Variants in AFF3 observed in about 807,000 individuals in gnomAD.
AFF3 encodes ALF transcription elongation factor 3.
Under a neutral mutation model 129.7 loss-of-function variants are expected in AFF3, and 32 were observed. That is an observed-to-expected ratio of 0.25 (90% CI 0.19 to 0.33). AFF3 has a LOEUF of 0.33. AFF3 is among the 10% of genes least tolerant of loss of function. AFF3 has a pLI of 1.00. For synonymous variants in AFF3, 644 were observed against 635.4 expected (o/e 1.01, Z -0.20); for missense variants, 1,373 against 1,592.0 (o/e 0.86, Z 2.34).
At chr2:99,554,066 G>A (rs923213626) in intron 24 of AFF3, among the ~76,000 whole-genome samples, 3 of 152,230 alleles carry the variant, frequency 2.0e-5, no homozygotes, top group African/African-American at 4.8e-5. Context: ...TAACAACAGG[G>A]GAATGGTTTG....
intron 1 of AFF3, among the ~76,000 whole-genome samples, chr2:100,138,199 T>A (rs1692709401): frequency 6.6e-6 from 1 of 152,134 alleles, no homozygotes; most frequent in African/African-American, 2.4e-5. Context: ...CATGCATAGA[T>A]GTGGGAGATA....
intron 7 of AFF3, among the ~76,000 whole-genome samples, chr2:99,953,920 G>GACTC (rs1676393053): frequency 6.6e-6 from 1 of 152,200 alleles, no homozygotes; most frequent in African/African-American, 2.4e-5. Flanking sequence ...AAGAGGGAGA[G>GACTC]ACTCAGCTCT....
intron 13 of AFF3, among the ~76,000 whole-genome samples, chr2:99,607,116 A>G (rs1421442853): frequency 1.3e-5 from 2 of 152,118 alleles, no homozygotes; most frequent in African/African-American, 4.8e-5. Context: ...AGAGCCAAAT[A>G]CACCTTTGAG....
intron 7 of AFF3, among the ~76,000 whole-genome samples, chr2:99,896,882 G>A (rs879042912): frequency 1.3e-5 from 2 of 151,692 alleles, no homozygotes; most frequent in East Asian, 1.9e-4. Flanking sequence ...TGATCTGCCC[G>A]CCTCGGCCTC....
At chr2:99,865,143 G>C (rs1691287382) in intron 7 of AFF3, among the ~76,000 whole-genome samples, 2 of 152,344 alleles carry the variant, frequency 1.3e-5, no homozygotes, top group African/African-American at 4.8e-5. Flanking sequence ...GGTCGGGTGA[G>C]ATGCTGAATG....
intron 7 of AFF3, among the ~76,000 whole-genome samples, chr2:99,892,125 G>A (rs1435508875): frequency 6.6e-6 from 1 of 151,716 alleles, no homozygotes; most frequent in Non-Finnish European, 1.5e-5. Context: ...CCCGGCCAAA[G>A]CCCACCAGCT....
intron 4 of AFF3, among the ~76,000 whole-genome samples, chr2:100,063,442 T>C (rs1687468136): frequency 6.6e-6 from 1 of 152,032 alleles, no homozygotes; most frequent in Admixed American, 6.5e-5. Flanking sequence ...CAAGGAAGAT[T>C]TTAAAAGAAC....
At chr2:99,762,313 C>T (rs530690629) in intron 8 of AFF3, among the ~76,000 whole-genome samples, 14 of 152,002 alleles carry the variant, frequency 9.2e-5, no homozygotes, top group African/African-American at 1.7e-4. Context: ...TTAGTAGAGA[C>T]GGGGTTTCAC....
At chr2:99,908,658 G>A (rs1254394688) in intron 7 of AFF3, among the ~76,000 whole-genome samples, 1 of 152,048 alleles carries the variant, frequency 6.6e-6, no homozygotes, top group African/African-American at 2.4e-5. Flanking sequence ...TCAAAAAGTG[G>A]ACAAAGGATA....
At chr2:99,832,987 AG>A (rs910424631) in intron 8 of AFF3, among the ~76,000 whole-genome samples, 2 of 152,248 alleles carry the variant, frequency 1.3e-5, no homozygotes, top group Admixed American at 1.3e-4. Context: ...GAAGCAGGGA[AG>A]ATTTGACCTA....
chr2:99,809,426 C>A (rs1470110446), intron 8 of AFF3, among the ~76,000 whole-genome samples: 1 of 152,222 alleles, frequency 6.6e-6, no homozygotes, highest in East Asian at 1.9e-4. Context: ...GGGGGTCACA[C>A]ATACATTAGC....
At chr2:99,850,886 T>C (rs983421104) in intron 7 of AFF3, among the ~76,000 whole-genome samples, 2 of 152,158 alleles carry the variant, frequency 1.3e-5, no homozygotes, top group African/African-American at 2.4e-5. Flanking sequence ...TGGGTAGAGA[T>C]TTGAGAGATT....
intron 7 of AFF3, among the ~76,000 whole-genome samples, chr2:99,995,260 T>C (rs1680731220): frequency 6.6e-6 from 1 of 152,300 alleles, no homozygotes; most frequent in East Asian, 1.9e-4. Context: ...TTGCTGAAAT[T>C]ATAGAAAAAG....
intron 5 of AFF3, 25 bp downstream of exon 5, chr2:100,008,787 A>G (rs769209296): frequency 4.3e-6 from 7 of 1,610,340 alleles, no homozygotes; most frequent in Non-Finnish European, 5.1e-6. Context: ...TGAGAGGTAG[A>G]GATGAACAAC....
In AFF3 at chr2:99,787,606, G is replaced by A. The variant is rs575779986; in HGVS notation, c.922-35305C>T. 3.3e-5 allele frequency among the ~76,000 whole-genome samples: 5 copies of A among 152,314 alleles called. 1 individual carries two copies. The highest frequency in any genetic ancestry group is 2.0e-4 in the Admixed American group (3 of 15,288). On this transcript the variant is annotated intron_variant, in intron 8 of 24. Coordinates refer to ENST00000672756, the MANE Select transcript of AFF3 (RefSeq NM_001386135.1). ...TAATCATGAATTCCCGATGATGTAC[G>A]TCCTGCAGAGGTCTGAGCTGGGGCT...
At chr2:99,912,434 A>G (rs1695164502) in intron 7 of AFF3, among the ~76,000 whole-genome samples, 1 of 152,174 alleles carries the variant, frequency 6.6e-6, no homozygotes, top group Non-Finnish European at 1.5e-5. Context: ...CATGTCCTCA[A>G]ATTTACAACT....
At chr2:99,939,110 A>C (rs2106333939) in intron 7 of AFF3, among the ~76,000 whole-genome samples, 1 of 152,288 alleles carries the variant, frequency 6.6e-6, no homozygotes, top group East Asian at 1.9e-4. Flanking sequence ...TCTAATACAA[A>C]TGTTATTTTG....
chr2:99,952,765 T>G (rs567965316), intron 7 of AFF3, among the ~76,000 whole-genome samples: 1 of 152,294 alleles, frequency 6.6e-6, no homozygotes, highest in South Asian at 2.1e-4. Context: ...TGCTCCTTAA[T>G]CAAAGGACTG....
At chr2:99,742,499 C>A (rs1350427659) in intron 10 of AFF3, among the ~76,000 whole-genome samples, 4 of 152,162 alleles carry the variant, frequency 2.6e-5, no homozygotes, top group Non-Finnish European at 5.9e-5. Context: ...TTTATAGAAT[C>A]TAAATTGCAG....
Sources: allele counts gnomAD v4.1 joint callset (sites outside exome capture counted in the v4.1 genomes callset), GRCh38; gene constraint gnomAD v4.1.1; transcripts MANE v1.5; gene names NCBI Gene and HGNC (gene_info 2026-07-23, HGNC 2026-07-21).